Variants in ZNF326 observed in about 807,000 individuals in gnomAD.
ZNF326 encodes the protein DBIRD complex subunit ZNF326.
ZNF326 carries 30 observed loss-of-function variants against 63.1 expected under a neutral mutation model. That is an observed-to-expected ratio of 0.48 (90% CI 0.36 to 0.64). The LOEUF (loss-of-function observed/expected upper bound fraction) is 0.64. Ranked by LOEUF, ZNF326 falls within the 30% of genes least tolerant of loss-of-function variation. ZNF326 has a pLI of 0.00. For missense variants in ZNF326, 609 were observed against 720.3 expected, an observed-to-expected ratio of 0.85 and a Z score of 1.77; for synonymous variants, 194 against 228.2, an observed-to-expected ratio of 0.85 and a Z score of 1.35.
Position 90,027,337 on chromosome 1 carries a change from A to T in ZNF326, c.1402-17A>T, listed in dbSNP as rs1373272894. The T allele has an allele frequency of 1.2e-6, 2 of 1,609,118 alleles. No individual in the cohort carries two copies. On this transcript the variant is annotated splice_polypyrimidine_tract_variant and intron_variant, in intron 11 of 11. Coordinates refer to ENST00000340281, the MANE Select transcript of ZNF326 (RefSeq NM_182976.4). ...AATGAATGTGCTGATTTTGAAAGCC[A>T]TTTCTTATGTTTTTAGGGTGAGAAT...
At chr1:89,999,919 TG>T (rs534910699) in intron 2 of ZNF326, among the ~76,000 whole-genome samples, 1 of 152,284 alleles carries the variant, frequency 6.6e-6, no homozygotes, top group Non-Finnish European at 1.5e-5. Flanking sequence ...TTCCGTCTAG[TG>T]GGATGAAATA....
Position 90,027,927 on chromosome 1 carries a change from G to C in ZNF326, c.*226G>C. ...CTACCAGACTTAGATCCGATAAATT[G>C]TTTGTATAATTTTTAAGCTTAATTT... On this transcript the variant is annotated 3_prime_UTR_variant, in exon 12 of 12. Transcript: ENST00000340281. 2.0e-6 allele frequency: 1 copy of C among 509,918 alleles called. No individual in the cohort carries two copies. Among genetic ancestry groups the C allele is most frequent in the Non-Finnish European group, 3.4e-6 (1 of 292,290 alleles). 31.6% of individuals were successfully genotyped at this position (509,918 alleles called of 1,614,324 possible). A position where few individuals can be genotyped will look rare whatever the true frequency, so the allele number is the denominator to read the frequency against.
At chr1:90,020,974 T>C in intron 10 of ZNF326, 52 bp downstream of exon 10, 1 of 1,589,630 alleles carries the variant, frequency 6.3e-7, no homozygotes, top group Non-Finnish European at 8.6e-7. Flanking sequence ...ATCAATCTTT[T>C]ATTGTTCTTT....
At chr1:90,008,292 T>G (rs7531015) in intron 5 of ZNF326, among the ~76,000 whole-genome samples, 29,192 of 152,176 alleles carry the variant, frequency 0.19, 3,361 homozygotes, top group South Asian at 0.28. Flanking sequence ...TAATAGATTG[T>G]ACAATGATTT....
chr1:90,012,194 A>G (rs1649284458), intron 6 of ZNF326, among the ~76,000 whole-genome samples: 1 of 152,244 alleles, frequency 6.6e-6, no homozygotes, highest in South Asian at 2.1e-4. Context: ...CAAAAGGTAG[A>G]AACAATTGAA....
chr1:89,997,790 A>G (rs1648466663), intron 1 of ZNF326, among the ~76,000 whole-genome samples: 1 of 152,338 alleles, frequency 6.6e-6, no homozygotes. Flanking sequence ...ACATAATTTA[A>G]TCTATCTGCC....
At position 90,013,114 on chromosome 1, in the gene ZNF326, G is replaced by A; in HGVS notation, c.815-12G>A. 1 of 1,597,672 alleles carries A rather than the reference G, an allele frequency of 6.3e-7. No homozygotes were observed. Among genetic ancestry groups the A allele is most frequent in the Non-Finnish European group, 8.5e-7 (1 of 1,173,498 alleles). ...TGAATTTTAGCTTTTACTTTTTTGT[G>A]TAATATCCTAGCAAAAACTGATCCT... On this transcript the variant is annotated splice_polypyrimidine_tract_variant and intron_variant, in intron 6 of 11. Transcript: ENST00000340281.
intron 5 of ZNF326, among the ~76,000 whole-genome samples, chr1:90,008,770 T>C (rs962553852): frequency 2.6e-5 from 4 of 152,316 alleles, no homozygotes; most frequent in Non-Finnish European, 1.5e-5. Context: ...TAGCTTGTTA[T>C]ACTTGTGTAG....
intron 2 of ZNF326, among the ~76,000 whole-genome samples, chr1:90,000,511 C>A (rs576872545): frequency 6.6e-6 from 1 of 152,218 alleles, no homozygotes; most frequent in Admixed American, 6.5e-5. Flanking sequence ...CTAGCTTGGG[C>A]AACATAGTGA....
chr1:90,012,282 A>G (rs1649289765), intron 6 of ZNF326, among the ~76,000 whole-genome samples: 2 of 152,254 alleles, frequency 1.3e-5, no homozygotes, highest in South Asian at 4.1e-4. Context: ...TAAAAAAGGA[A>G]GTACTTACTA....
chr1:90,005,220 A>G lies in ZNF326; in HGVS notation c.185A>G (p.His62Arg), dbSNP rs752006166. The G allele has an allele frequency of 6.2e-7, 1 of 1,613,896 alleles. No individual in the cohort carries two copies. Residue 62 changes from histidine to arginine, a missense_variant, in exon 4 of 12, where the codon CAC (histidine) becomes CGC (arginine). His to Arg is a conservative substitution (Grantham distance 29). Transcript: ENST00000340281. ...AACCAGTCATATGGCATGGACAATC[A>G]CAGTGGTGGTGGTGGGGGTAGCAGG... ...YLNQSYGMDN[H>R]SGGGGGSRFG...
At position 90,031,606 on chromosome 1, in the gene ZNF326, G is replaced by T. The variant is rs548368724; in HGVS notation, c.*3905G>T. ...TAGCCTCACTCTGTCACCCAGGCTG[G>T]AGTTCAGTGGCACTATCTCAGCTCA... On this transcript the variant is annotated 3_prime_UTR_variant, in exon 12 of 12. Coordinates refer to ENST00000340281, the MANE Select transcript of ZNF326 (RefSeq NM_182976.4). 2.0e-5 allele frequency: 3 copies of T among 151,024 alleles called. No individual in the cohort carries two copies. The highest frequency in any genetic ancestry group is 4.4e-5 in the Non-Finnish European group (3 of 67,868). The allele number at this position is 151,024 out of a possible 1,614,324, so 9.4% of individuals were successfully genotyped here.
chr1:90,026,817 A>G (rs775482536), intron 11 of ZNF326, among the ~76,000 whole-genome samples: 3 of 152,236 alleles, frequency 2.0e-5, no homozygotes, highest in Non-Finnish European at 1.5e-5. Context: ...TTTGATCCAG[A>G]TATATAATTG....
At chr1:90,002,674 A>G (rs1648744331) in intron 2 of ZNF326, among the ~76,000 whole-genome samples, 3 of 152,154 alleles carry the variant, frequency 2.0e-5, no homozygotes, top group Admixed American at 2.0e-4. Flanking sequence ...TAAAACATGG[A>G]TAGTTTGAAT....
At position 90,027,758 on chromosome 1, in the gene ZNF326, G is replaced by A; in HGVS notation, c.*57G>A. ...CATTTCGGTTCTAATGTAAAAAAGG[G>A]TAAGAAATTTAATAGCTTAAAATAT... On this transcript the variant is annotated 3_prime_UTR_variant, in exon 12 of 12. Transcript: ENST00000340281. The A allele has an allele frequency of 6.5e-7, 1 of 1,544,070 alleles. No individual in the cohort carries two copies. Among genetic ancestry groups the A allele is most frequent in the Non-Finnish European group, 8.9e-7 (1 of 1,125,094 alleles).
chr1:89,995,552 G>A (rs1006444118), intron 1 of ZNF326, among the ~76,000 whole-genome samples: 2 of 152,260 alleles, frequency 1.3e-5, no homozygotes, highest in African/African-American at 2.4e-5. Context: ...CCCCAGACTC[G>A]CCTTGGCCCC....
At chr1:90,019,159 A>C (rs1263809435) in intron 9 of ZNF326, among the ~76,000 whole-genome samples, 1 of 152,144 alleles carries the variant, frequency 6.6e-6, no homozygotes, top group Non-Finnish European at 1.5e-5. Flanking sequence ...TTACTTAAAA[A>C]AAACAAAACA....
rs763194743 is a variant in ZNF326 at position 90,020,844 on chromosome 1, T to G, written c.1227T>G (p.Ala409=). The G allele has an allele frequency of 3.1e-6, 5 of 1,612,960 alleles. No individual in the cohort carries two copies. Among genetic ancestry groups the G allele is most frequent in the Non-Finnish European group, 4.2e-6 (5 of 1,179,250 alleles). ...AGGTAGAGACAGTTCATTGCAGCGC[T>G]TGCAGTGTTTATATCCCTGCTTTAC... ...MMKVETVHCS[A]CSVYIPALHS... Residue 409 remains alanine (A), a synonymous_variant, in exon 10 of 12, where the codon GCT becomes GCG. Coordinates refer to ENST00000340281, the MANE Select transcript of ZNF326 (RefSeq NM_182976.4).
chr1:90,019,469 A>G (rs1019422699), intron 9 of ZNF326, among the ~76,000 whole-genome samples: 2 of 152,118 alleles, frequency 1.3e-5, no homozygotes, highest in African/African-American at 2.4e-5. Flanking sequence ...AACATTTTTT[A>G]CTAACTATAT....
Sources: gnomAD v4.1 joint callset for allele counts (sites outside exome capture counted in the v4.1 genomes callset) on GRCh38, gnomAD v4.1.1 for gene constraint, MANE v1.5 for transcripts, NCBI Gene and HGNC (gene_info 2026-07-23, HGNC 2026-07-21) for gene names.